Variants in PCDHGA8 observed in about 807,000 individuals in gnomAD.
The protein encoded by PCDHGA8 is protocadherin gamma-A8.
PCDHGA8 carries 45 observed loss-of-function variants against 59.2 expected under a neutral mutation model. The observed-to-expected ratio is 0.76, with a 90% CI of 0.60 to 0.98. The LOEUF is 0.98. Among genes scored for constraint, PCDHGA8 ranks in the 50% least tolerant of loss-of-function variants. The pLI, the probability that PCDHGA8 is intolerant of heterozygous loss-of-function variation, is 0.00. For synonymous variants in PCDHGA8, 531 were observed against 519.0 expected (o/e 1.02, Z -0.32); for missense variants, 1,257 against 1,196.2 (o/e 1.05, Z -0.75).
intron 2 of PCDHGA8, among the ~76,000 whole-genome samples, chr5:141,502,337 T>C (rs1562205634): frequency 6.6e-6 from 1 of 152,184 alleles, no homozygotes; most frequent in Admixed American, 6.5e-5. Flanking sequence ...CCCAGTCTTT[T>C]TATTTTTTTA....
At chr5:141,453,379 C>T (rs980792532) in intron 1 of PCDHGA8, among the ~76,000 whole-genome samples, 1 of 152,050 alleles carries the variant, frequency 6.6e-6, no homozygotes, top group Non-Finnish European at 1.5e-5. Context: ...AGTGATCCTC[C>T]TGCCTTAGCC....
chr5:141,495,103 C>T (rs1383918796), intron 2 of PCDHGA8, among the ~76,000 whole-genome samples: 2 of 152,132 alleles, frequency 1.3e-5, no homozygotes, highest in Non-Finnish European at 2.9e-5. Context: ...TCGCCACGAC[C>T]GGCACCTTTT....
chr5:141,401,394 T>C (rs1444370873), intron 1 of PCDHGA8, among the ~76,000 whole-genome samples: 1 of 152,158 alleles, frequency 6.6e-6, no homozygotes, highest in Non-Finnish European at 1.5e-5. Context: ...CTACATGTTA[T>C]GTGTATGAGA....
At chr5:141,433,358 C>CCTAA (rs1554125965) in intron 1 of PCDHGA8, 1 of 503,368 alleles carries the variant, frequency 2.0e-6, no homozygotes, top group Non-Finnish European at 3.5e-6. Flanking sequence ...CTACTGTCTG[C>CCTAA]CTATCTATCT....
chr5:141,392,870 G>A lies in PCDHGA8; in HGVS notation c.57G>A (p.Leu19=), dbSNP rs757363357. ...GCGAGCTGATCCTGCTGTGCGCGCT[G>A]CTGGGAACGCTGTGGGAAATCGGGA... The part of the protein sequence containing the change: ...RRGELILLCA[L]LGTLWEIGRG... The change falls in exon 1 of 4, where the codon CTG becomes CTA. Residue 19 remains leucine (L), a synonymous_variant. Coordinates refer to ENST00000398604, the MANE Select transcript of PCDHGA8 (RefSeq NM_032088.2). The A allele has an allele frequency of 6.2e-7, 1 of 1,613,226 alleles. No homozygotes were observed. The highest frequency in any genetic ancestry group is 2.2e-5 in the East Asian group (1 of 44,860).
intron 1 of PCDHGA8, chr5:141,415,466 C>T (rs1187128064): frequency 6.2e-7 from 1 of 1,614,224 alleles, no homozygotes. Flanking sequence ...GTCTCTCTCA[C>T]CGCGGACTCG....
intron 1 of PCDHGA8, among the ~76,000 whole-genome samples, chr5:141,453,135 A>G (rs932061368): frequency 6.6e-6 from 1 of 151,778 alleles, no homozygotes; most frequent in Non-Finnish European, 1.5e-5. Context: ...TGTTTTTGAG[A>G]TAGGGTCTCG....
At chr5:141,416,928 A>G (rs1297487387) in intron 1 of PCDHGA8, 4 of 152,170 alleles carry the variant, frequency 2.6e-5, no homozygotes, top group Non-Finnish European at 2.9e-5. Flanking sequence ...ATAGTTATTA[A>G]CTATTAAACC....
At chr5:141,502,866 C>CTTTTTTTTTTTTTTTT (rs549047197) in intron 2 of PCDHGA8, among the ~76,000 whole-genome samples, 4 of 128,044 alleles carry the variant, frequency 3.1e-5, no homozygotes, top group African/African-American at 3.1e-5. Context: ...GACTCTCTGT[C>CTTTTTTTTTTTTTTTT]TTTTTTTTTT....
chr5:141,394,608 G>A lies in PCDHGA8; in HGVS notation c.1795G>A (p.Gly599Ser), dbSNP rs749049825. 15 of 1,613,420 alleles carry A rather than the reference G, an allele frequency of 9.3e-6. No homozygotes were observed. The African/African-American group carries it at 1.9e-4, about 20-fold the overall frequency. ...TKVVAVDRDS[G>S]QNAWLSYRLL... ...GGTGGTGGCGGTGGACAGAGACTCGGGCCAGAACGCCTGGCTGTCCTACCG... is the reference window on the plus strand; with the variant it reads ...GGTGGTGGCGGTGGACAGAGACTCGAGCCAGAACGCCTGGCTGTCCTACCG... The change falls in exon 1 of 4, where the codon GGC (glycine) becomes AGC (serine). Residue 599 changes from glycine to serine, a missense_variant. Transcript: ENST00000398604.
chr5:141,394,808 T>G lies in PCDHGA8; in HGVS notation c.1995T>G (p.Ala665=), dbSNP rs534137630. The G allele has an allele frequency of 9.9e-6, 16 of 1,613,872 alleles. No individual in the cohort carries two copies. The East Asian group carries it at 3.6e-4, about 36-fold the overall frequency. The change falls in exon 1 of 4, where the codon GCT becomes GCG. Residue 665 remains alanine (A), a synonymous_variant. Coordinates refer to ENST00000398604, the MANE Select transcript of PCDHGA8 (RefSeq NM_032088.2). ...CTGTCACGCTCACCGTAGCCGTGGC[T>G]GACAGCATCCCCGAAGTCCTGACCG... ...SATVTLTVAV[A]DSIPEVLTEL...
intron 3 of PCDHGA8, 154 bp from the exon 4 acceptor site, chr5:141,510,793 G>A: frequency 1.1e-6 from 1 of 935,078 alleles, no homozygotes; most frequent in Non-Finnish European, 1.3e-6. Context: ...CTCTTGTGAA[G>A]AGAGACTACC....
In PCDHGA8 at chr5:141,477,294, C is replaced by T. The variant is rs753131175; in HGVS notation, c.2425-17513C>T. ...GGGCTGGTGACCTGCGAAGTTCCAC[C>T]GGGTCTCCCTTTCAGCCTTACTTCT... is the stretch of plus-strand genomic sequence containing the variant. On this transcript the variant is annotated intron_variant, in intron 1 of 3. Transcript: ENST00000398604. The surrounding 1 kb of genome is among the most constrained non-coding windows in gnomAD (Gnocchi z 4.9). 4.3e-6 allele frequency: 7 copies of T among 1,614,142 alleles called. No individual in the cohort carries two copies. Among genetic ancestry groups the T allele is most frequent in the East Asian group, 4.5e-5 (2 of 44,872 alleles).
intron 1 of PCDHGA8, chr5:141,478,841 A>G (rs1335486924): frequency 1.4e-5 from 19 of 1,405,590 alleles, no homozygotes; most frequent in Non-Finnish European, 1.8e-5. Flanking sequence ...GGGATGGTTA[A>G]GCTAAAACAC....
chr5:141,393,413 G>C lies in PCDHGA8; in HGVS notation c.600G>C (p.Leu200=). The change falls in exon 1 of 4, where the codon CTG becomes CTC. Residue 200 remains leucine (L), a synonymous_variant. Coordinates refer to ENST00000398604, the MANE Select transcript of PCDHGA8 (RefSeq NM_032088.2). The part of the protein sequence containing the change: ...INPELVLERA[L]DREEEAAHHL... Reference sequence around the variant, plus strand: ...CAGAGCTGGTGCTGGAGCGCGCCCTGGACAGGGAGGAAGAGGCTGCTCACC... The same window carrying C: ...CAGAGCTGGTGCTGGAGCGCGCCCTCGACAGGGAGGAAGAGGCTGCTCACC... 1 of 1,614,046 alleles carries C rather than the reference G, an allele frequency of 6.2e-7. No individual in the cohort carries two copies. The highest frequency in any genetic ancestry group is 8.5e-7 in the Non-Finnish European group (1 of 1,179,908).
intron 1 of PCDHGA8, among the ~76,000 whole-genome samples, chr5:141,483,459 G>A (rs1214951485): frequency 6.6e-6 from 1 of 152,186 alleles, no homozygotes; most frequent in Non-Finnish European, 1.5e-5. Flanking sequence ...AGGACTTGTT[G>A]ATTGACATGA....
chr5:141,505,155 C>T (rs2099844224), intron 2 of PCDHGA8, among the ~76,000 whole-genome samples: 1 of 152,162 alleles, frequency 6.6e-6, no homozygotes, highest in Non-Finnish European at 1.5e-5. Context: ...GAGTAAGACC[C>T]TGTCTAAAAC....
At chr5:141,403,655 A>T (rs1262068795) in intron 1 of PCDHGA8, 6 of 1,613,798 alleles carry the variant, frequency 3.7e-6, no homozygotes, top group Non-Finnish European at 4.2e-6. Context: ...AGTGTTGGAT[A>T]CAAATGATAA....
chr5:141,492,695 A>G (rs925499358), intron 1 of PCDHGA8, among the ~76,000 whole-genome samples: 14 of 152,214 alleles, frequency 9.2e-5, no homozygotes, highest in African/African-American at 3.1e-4. Context: ...CGACCCCTCA[A>G]CCCAGAAGCC....
Sources: gnomAD v4.1 joint callset for allele counts (sites outside exome capture counted in the v4.1 genomes callset) on GRCh38, gnomAD v4.1.1 for gene constraint, Gnocchi (gnomAD v3.1) non-coding constraint, MANE v1.5 for transcripts, NCBI Gene and HGNC (gene_info 2026-07-23, HGNC 2026-07-21) for gene names.